CIB1: variants seen among roughly 807,000 people sequenced by gnomAD.
The protein encoded by CIB1 is calcium and integrin-binding protein 1.
In CIB1, 19 loss-of-function variants were observed where a neutral mutation model predicts 25.0. That is an observed-to-expected ratio of 0.76 (90% confidence interval 0.53 to 1.12). The LOEUF (loss-of-function observed/expected upper bound fraction) is 1.12. Among genes scored for constraint, CIB1 ranks in the 50% most tolerant of loss-of-function variants. The pLI, the probability that CIB1 is intolerant of heterozygous loss-of-function variation, is 0.00. For synonymous variants in CIB1, 104 were observed against 98.5 expected, an observed-to-expected ratio of 1.06 and a Z score of -0.33; for missense variants, 236 against 242.6, an observed-to-expected ratio of 0.97 and a Z score of 0.18.
At chr15:90,265,658 C>A in the CIB1 span, 1 of 1,602,092 alleles carries the variant, frequency 6.2e-7, no homozygotes, top group South Asian at 1.1e-5. Flanking sequence ...CGGTCTTACC[C>A]GGCTACTTCC....
the CIB1 span, chr15:90,265,579 C>G: frequency 7.1e-7 from 1 of 1,400,166 alleles, no homozygotes; most frequent in Non-Finnish European, 9.6e-7. Context: ...GAGCCCAGAT[C>G]TTACCCCCAC....
the CIB1 span, chr15:90,259,099 A>ATATC: frequency 1.4e-6 from 2 of 1,409,404 alleles, no homozygotes; most frequent in South Asian, 2.9e-5. Context: ...TTGGTGGCTC[A>ATATC]TATCTGTAAT....
the CIB1 span, chr15:90,249,878 T>C: frequency 2.0e-5 from 3 of 152,370 alleles, no homozygotes; most frequent in African/African-American, 7.2e-5. Context: ...TGTGTACACG[T>C]GCAGAAAATG....
chr15:90,248,930 C>T, the CIB1 span, among the ~76,000 whole-genome samples: 1 of 151,854 alleles, frequency 6.6e-6, no homozygotes, highest in Non-Finnish European at 1.5e-5. Context: ...TGTGATAAGG[C>T]GGTTTGGTTA....
chr15:90,263,933 G>T, the CIB1 span: 1 of 1,507,902 alleles, frequency 6.6e-7, no homozygotes, highest in Non-Finnish European at 8.9e-7. Context: ...CATGTTCCCC[G>T]GTACCATCTG....
At chr15:90,248,818 G>A in the CIB1 span, among the ~76,000 whole-genome samples, 1 of 144,958 alleles carries the variant, frequency 6.9e-6, no homozygotes, top group African/African-American at 2.6e-5. Context: ...TAGCCACACA[G>A]TATAATTTTA....
At chr15:90,247,121 G>A in the CIB1 span, among the ~76,000 whole-genome samples, 18 of 151,754 alleles carry the variant, frequency 1.2e-4, no homozygotes, top group African/African-American at 4.1e-4. Context: ...GACTACAGGC[G>A]TGCGCCACCA....
chr15:90,249,596 G>A, the CIB1 span: 1 of 152,304 alleles, frequency 6.6e-6, no homozygotes, highest in Non-Finnish European at 1.5e-5. Context: ...ACGGCCACCG[G>A]GAGCTAGGAG....
Position 90,232,321 on chromosome 15 carries a change from G to A in CIB1, c.93C>T (p.His31=). ...FLTKQEILLA[H]RRFCELLPQE... ...GGGGAAGCAGCTCACAAAACCGCCTGTGGGCTCTGGTAGAGAGAGGGGAAC... is the reference window on the plus strand; with the variant it reads ...GGGGAAGCAGCTCACAAAACCGCCTATGGGCTCTGGTAGAGAGAGGGGAAC... The change falls in exon 3 of 7, where the codon CAC becomes CAT. Residue 31 remains histidine (H), a synonymous_variant. Coordinates refer to ENST00000328649, the MANE Select transcript of CIB1 (RefSeq NM_006384.4). 2 of 1,607,442 alleles carry A rather than the reference G, an allele frequency of 1.2e-6. No individual in the cohort carries two copies. Among genetic ancestry groups the A allele is most frequent in the Non-Finnish European group, 1.7e-6 (2 of 1,175,424 alleles).
the CIB1 span, among the ~76,000 whole-genome samples, chr15:90,253,700 G>A: frequency 6.6e-6 from 1 of 152,248 alleles, no homozygotes; most frequent in East Asian, 1.9e-4. Context: ...CTAACAGCAG[G>A]GCCAGTTGAA....
the CIB1 span, among the ~76,000 whole-genome samples, chr15:90,256,589 CTTTCTTTCTTTCTTTCT>C: frequency 4.0e-3 from 138 of 34,868 alleles, no homozygotes; most frequent in Middle Eastern, 0.037. Context: ...TTCTTTCTTT[CTTTCTTTCTTTCTTTCT>C]TTCCTTCCTT....
At chr15:90,251,523 C>G in the CIB1 span, 3 of 1,606,556 alleles carry the variant, frequency 1.9e-6, no homozygotes, top group Non-Finnish European at 1.7e-6. Flanking sequence ...CCCTCCCACT[C>G]TTCCTGATTT....
the CIB1 span, among the ~76,000 whole-genome samples, chr15:90,260,572 G>T: frequency 1.8e-4 from 27 of 152,172 alleles, no homozygotes; most frequent in African/African-American, 5.8e-4. Flanking sequence ...CAAGCAAGCG[G>T]CCAGGTGCAG....
Position 90,230,458 on chromosome 15 carries a change from T to C in CIB1, c.*26A>G, listed in dbSNP as rs373892321. The stretch of plus-strand genomic sequence containing the variant: ...GCAGTAGAAAGGTTCTTGGACAGGG[T>C]GCCAGGACACACGCTGGGGCTGCTG... On this transcript the variant is annotated 3_prime_UTR_variant, in exon 7 of 7. Coordinates refer to ENST00000328649, the MANE Select transcript of CIB1 (RefSeq NM_006384.4). 2.8e-5 allele frequency: 44 copies of C among 1,551,264 alleles called. No individual in the cohort carries two copies. In the African/African-American group the frequency reaches 5.6e-4, roughly 20 times the overall value.
the CIB1 span, among the ~76,000 whole-genome samples, chr15:90,247,209 C>G: frequency 2.0e-5 from 3 of 151,124 alleles, no homozygotes; most frequent in Non-Finnish European, 4.4e-5. Context: ...CTCCTGACCT[C>G]GTGATCCACC....
At chr15:90,241,666 C>G in the CIB1 span, 1 of 1,614,242 alleles carries the variant, frequency 6.2e-7, no homozygotes, top group Non-Finnish European at 8.5e-7. Context: ...CTCCCAGCTC[C>G]TGGCTTCCTC....
the CIB1 span, chr15:90,262,082 C>T: frequency 4.6e-6 from 7 of 1,535,850 alleles, no homozygotes; most frequent in South Asian, 2.4e-5. Flanking sequence ...GGGAAAATAC[C>T]GGCGGATCTA....
the CIB1 span, chr15:90,256,166 C>A: frequency 1.9e-6 from 3 of 1,614,122 alleles, no homozygotes; most frequent in South Asian, 2.2e-5. Context: ...GTCCTACGGT[C>A]GTCAGCGAAA....
intron 2 of CIB1, 43 bp downstream of exon 2, chr15:90,233,626 A>G: frequency 6.4e-7 from 1 of 1,557,146 alleles, no homozygotes; most frequent in Non-Finnish European, 8.7e-7. Context: ...AGCTGTCTCT[A>G]GAGGATCCCG....
Sources: gnomAD v4.1 joint callset for allele counts (sites outside exome capture counted in the v4.1 genomes callset) on GRCh38, gnomAD v4.1.1 for gene constraint, MANE v1.5 for transcripts, NCBI Gene and HGNC (gene_info 2026-07-23, HGNC 2026-07-21) for gene names.